Variants in RRP12 observed in about 807,000 individuals in gnomAD.
RRP12 encodes the protein ribosomal RNA processing 12 homolog.
RRP12 carries 78 observed loss-of-function variants against 157.3 expected under a neutral mutation model. The ratio of observed to expected loss-of-function variants is 0.50; its 90% CI spans 0.41 to 0.60. The LOEUF (loss-of-function observed/expected upper bound fraction) is 0.60. Among genes scored for constraint, RRP12 ranks in the 20% least tolerant of loss-of-function variants. The probability of loss-of-function intolerance (pLI) is 0.00; values close to 1 mark genes in which losing one functional copy is unlikely to be tolerated. For missense variants in RRP12, 1,521 were observed against 1,679.9 expected, an observed-to-expected ratio of 0.91 and a Z score of 1.65; for synonymous variants, 726 against 670.9, an observed-to-expected ratio of 1.08 and a Z score of -1.27.
At chr10:97,361,168 C>T (rs7924254) in intron 30 of RRP12, among the ~76,000 whole-genome samples, 37,840 of 152,170 alleles carry the variant, frequency 0.25, 4,879 homozygotes, top group South Asian at 0.34. Flanking sequence ...CACTGATCCT[C>T]AACAATGCTA....
chr10:97,380,937 G>C, intron 12 of RRP12, 24 bp from the exon 13 acceptor site: 2 of 1,579,380 alleles, frequency 1.3e-6, no homozygotes, highest in Admixed American at 3.3e-5. Flanking sequence ...GGCACAGTCA[G>C]GGCCACGGTC....
intron 12 of RRP12, among the ~76,000 whole-genome samples, chr10:97,381,139 G>C (rs921423493): frequency 6.6e-6 from 1 of 152,206 alleles, no homozygotes; most frequent in African/African-American, 2.4e-5. Context: ...CAATGAGGTA[G>C]TTATCTGACC....
At chr10:97,364,689 C>T (rs529422693) in intron 29 of RRP12, among the ~76,000 whole-genome samples, 115 of 152,344 alleles carry the variant, frequency 7.5e-4, no homozygotes, top group Non-Finnish European at 1.2e-3. Flanking sequence ...TGCACTCCAG[C>T]CTGAGTGACA....
chr10:97,393,638 C>T (rs551504363), intron 4 of RRP12, 46 bp downstream of exon 4: 1 of 1,400,626 alleles, frequency 7.1e-7, no homozygotes, highest in East Asian at 2.3e-5. Flanking sequence ...ATTCCCTTCT[C>T]CCCTCCACAA....
rs1242809397 is a variant in RRP12, at chr10:97,401,175, C to A, written c.57G>T (p.Lys19Asn). 6.2e-7 allele frequency: 1 copy of A among 1,614,178 alleles called. No homozygotes were observed. The highest frequency in any genetic ancestry group is 8.5e-7 in the Non-Finnish European group (1 of 1,180,034). Residue 19 changes from lysine (K) to asparagine (N), a missense_variant, in exon 1 of 34, where the codon AAG becomes AAT. Lys to Asn is a moderately conservative substitution (Grantham distance 94). Coordinates refer to ENST00000370992, the MANE Select transcript of RRP12 (RefSeq NM_015179.4). Reference sequence around the variant, plus strand: ...GGTTGCTGTCGCTGCTGTGGCCTTTCTTCCAGCGCTTCAACTTAGCTGAGA... The same window carrying A: ...GGTTGCTGTCGCTGCTGTGGCCTTTATTCCAGCGCTTCAACTTAGCTGAGA... ...SGVSAKLKRW[K>N]KGHSSDSNPA...
At chr10:97,400,900 C>A (rs1027177888) in intron 1 of RRP12, among the ~76,000 whole-genome samples, 193 bp downstream of exon 1, 1 of 152,162 alleles carries the variant, frequency 6.6e-6, no homozygotes, top group African/African-American at 2.4e-5. Flanking sequence ...AGACATTTCC[C>A]TACTGCGGAC....
chr10:97,381,030 C>T (rs982999148), intron 12 of RRP12, 117 bp from the exon 13 acceptor site: 3 of 741,172 alleles, frequency 4.0e-6, no homozygotes, highest in Non-Finnish European at 4.6e-6. Flanking sequence ...AAGAATGGGG[C>T]CCCAGGAGAG....
At chr10:97,387,026 G>A (rs532770839) in intron 8 of RRP12, among the ~76,000 whole-genome samples, 39 of 151,922 alleles carry the variant, frequency 2.6e-4, no homozygotes, top group African/African-American at 3.6e-4. Context: ...GTGAGTTGGC[G>A]GGGGTATCTG....
At chr10:97,396,329 C>T (rs1844964426) in intron 2 of RRP12, 28 bp from the exon 3 acceptor site, 1 of 1,574,268 alleles carries the variant, frequency 6.4e-7, no homozygotes, top group South Asian at 1.1e-5. Context: ...AGCACTGTGA[C>T]TATTTTAGAC....
chr10:97,374,941 T>C (rs535586452), intron 15 of RRP12, among the ~76,000 whole-genome samples: 1 of 152,234 alleles, frequency 6.6e-6, no homozygotes, highest in Non-Finnish European at 1.5e-5. Context: ...AACTTGCCCA[T>C]TTTAAGATGA....
chr10:97,393,454 G>A, intron 4 of RRP12: 1 of 672,996 alleles, frequency 1.5e-6, no homozygotes, highest in Non-Finnish European at 2.7e-6. Flanking sequence ...TGGCATAAAG[G>A]TAAATGATTC....
chr10:97,362,432 G>A (rs1472015158), intron 30 of RRP12, among the ~76,000 whole-genome samples: 2 of 152,222 alleles, frequency 1.3e-5, no homozygotes, highest in African/African-American at 4.8e-5. Flanking sequence ...GGCTTACTTT[G>A]CATCACTAAG....
intron 9 of RRP12, 125 bp from the exon 10 acceptor site, chr10:97,385,382 G>GC: frequency 1.4e-6 from 1 of 726,248 alleles, no homozygotes; most frequent in Non-Finnish European, 2.3e-6. Flanking sequence ...AGCACTCACA[G>GC]CCCCCTTGGC....
Position 97,381,777 on chromosome 10 carries a change from C to G in RRP12, c.1258G>C (p.Ala420Pro). 1.2e-6 allele frequency: 2 copies of G among 1,614,158 alleles called. No individual in the cohort carries two copies. The highest frequency in any genetic ancestry group is 8.5e-7 in the Non-Finnish European group (1 of 1,180,018). The change falls in exon 11 of 34, where the codon GCG becomes CCG. Residue 420 changes from alanine (A) to proline (P), a missense_variant. By Grantham distance (27) the Ala-to-Pro change is conservative. Transcript: ENST00000370992. ...LGHLPRFFGT[A>P]VTCLLSPHSQ... ...TGTGGGGAAAGGAGGCAGGTCACCG[C>G]AGTTCCAAAAAAGCGAGGGAGGTGG...
rs1484263833 is a variant in RRP12 at position 97,380,879 on chromosome 10, C to T, written c.1453G>A (p.Ala485Thr). ...VEEGLTYKFHAAWSSVLQLLC... is the reference protein window; with the variant it reads ...VEEGLTYKFHTAWSSVLQLLC... ...AGCTGCAACACGGAGCTCCAGGCCG[C>T]ATGGAATTTGTACGTCAGGCCCTCC... is the stretch of plus-strand genomic sequence containing the variant. The change falls in exon 13 of 34, where the codon GCG (alanine) becomes ACG (threonine). Residue 485 changes from alanine to threonine, a missense_variant. Coordinates refer to ENST00000370992, the MANE Select transcript of RRP12 (RefSeq NM_015179.4). The T allele has an allele frequency of 3.1e-5, 50 of 1,614,036 alleles. No individual in the cohort carries two copies. Among genetic ancestry groups the T allele is most frequent in the Non-Finnish European group, 4.2e-5 (49 of 1,180,012 alleles).
At chr10:97,387,132 G>A (rs1032742057) in intron 8 of RRP12, among the ~76,000 whole-genome samples, 1 of 151,912 alleles carries the variant, frequency 6.6e-6, no homozygotes, top group African/African-American at 2.4e-5. Context: ...TAACCTACAC[G>A]CATCCTCCCA....
chr10:97,372,210 A>C, intron 19 of RRP12, 44 bp from the exon 20 acceptor site: 1 of 1,501,160 alleles, frequency 6.7e-7, no homozygotes, highest in Non-Finnish European at 9.2e-7. Flanking sequence ...GGAGCTGGAG[A>C]AGGGCGCAGA....
In RRP12 at chr10:97,366,742, C is replaced by T; in HGVS notation, c.3215G>A (p.Ser1072Asn). 1 of 1,613,100 alleles carries T rather than the reference C, an allele frequency of 6.2e-7. No homozygotes were observed. Among genetic ancestry groups the T allele is most frequent in the South Asian group, 1.1e-5 (1 of 90,948 alleles). The change falls in exon 27 of 34, where the codon AGC (serine) becomes AAC (asparagine). Residue 1072 changes from serine (S) to asparagine (N), a missense_variant and splice_region_variant. Transcript: ENST00000370992. ...TCCCATGGCCCTAACATGGTCTCAC[C>T]TGTCACCTTTGCCCTGGGCGGGCTC... ...EEEPAQGKGD[S>N]IEEILADSED...
At chr10:97,373,999 G>T in intron 15 of RRP12, 105 bp from the exon 16 acceptor site, 1 of 851,258 alleles carries the variant, frequency 1.2e-6, no homozygotes, top group Non-Finnish European at 1.9e-6. Context: ...AGGAATATGG[G>T]TGACTTCCCC....
Sources: gnomAD v4.1 joint callset for allele counts (sites outside exome capture counted in the v4.1 genomes callset) on GRCh38, gnomAD v4.1.1 for gene constraint, MANE v1.5 for transcripts, NCBI Gene and HGNC (gene_info 2026-07-23, HGNC 2026-07-21) for gene names.